Variants in ACER3 observed in about 807,000 individuals in gnomAD.
ACER3 encodes alkaline ceramidase 3.
A neutral mutation model predicts 48.9 loss-of-function variants in ACER3; 16 were observed. That is an observed-to-expected ratio of 0.33 (90% CI 0.22 to 0.50). The LOEUF is 0.50. ACER3 is among the 20% of genes least tolerant of loss of function. The pLI is 0.98. For synonymous variants in ACER3, 109 were observed against 107.8 expected, an observed-to-expected ratio of 1.01 and a Z score of -0.07; for missense variants, 227 against 326.0, an observed-to-expected ratio of 0.70 and a Z score of 2.34.
At chr11:76,940,998 T>C (rs979467450) in intron 2 of ACER3, among the ~76,000 whole-genome samples, 2 of 135,612 alleles carry the variant, frequency 1.5e-5, no homozygotes, top group African/African-American at 5.4e-5. Context: ...CCCCACCAAA[T>C]ATGTGTGTGT....
At chr11:76,861,972 G>A (rs2279518) in intron 1 of ACER3, among the ~76,000 whole-genome samples, 61,401 of 152,100 alleles carry the variant, frequency 0.4, 15,151 homozygotes, top group Non-Finnish European at 0.56. Context: ...TTTCCTAGAC[G>A]ATTTTTCCTG....
At chr11:76,918,321 T>C (rs1005637093) in intron 1 of ACER3, among the ~76,000 whole-genome samples, 1 of 152,116 alleles carries the variant, frequency 6.6e-6, no homozygotes, top group African/African-American at 2.4e-5. Context: ...CCTTGTACTG[T>C]AATATGCATT....
At position 77,023,083 on chromosome 11, in the gene ACER3, C is replaced by T; in HGVS notation, c.*2756C>T. The T allele has an allele frequency of 2.5e-6, 1 of 398,536 alleles. No homozygotes were observed. The highest frequency in any genetic ancestry group is 4.4e-6 in the Non-Finnish European group (1 of 226,024). 24.7% of individuals were successfully genotyped at this position (398,536 alleles called of 1,614,324 possible). A position where few individuals can be genotyped will look rare whatever the true frequency, so the allele number is the denominator to read the frequency against. On this transcript the variant is annotated 3_prime_UTR_variant, in exon 11 of 11. Coordinates refer to ENST00000532485, the MANE Select transcript of ACER3 (RefSeq NM_018367.7). ...CTGCCTGCCCACTACCTACTCCCCA[C>T]CATGGTGTTTCATGAAACATCCCCA... is the stretch of plus-strand genomic sequence containing the variant.
intron 2 of ACER3, among the ~76,000 whole-genome samples, chr11:76,951,675 A>G (rs1947673455): frequency 6.6e-6 from 1 of 152,172 alleles, no homozygotes; most frequent in Admixed American, 6.5e-5. Flanking sequence ...AGGAGAAGGG[A>G]AAAAAATCAG....
intron 3 of ACER3, among the ~76,000 whole-genome samples, chr11:76,974,200 C>T (rs1948378958): frequency 6.6e-6 from 1 of 152,110 alleles, no homozygotes; most frequent in Non-Finnish European, 1.5e-5. Flanking sequence ...TACTGTGGGT[C>T]CATTTTCATA....
At chr11:76,935,558 A>G (rs1336995518) in intron 2 of ACER3, among the ~76,000 whole-genome samples, 1 of 152,246 alleles carries the variant, frequency 6.6e-6, no homozygotes, top group African/African-American at 2.4e-5. Context: ...GTAATATACA[A>G]AGAAAATACC....
In ACER3 at chr11:77,026,455, T is replaced by C. The variant is rs781985409; in HGVS notation, c.*6128T>C. On this transcript the variant is annotated 3_prime_UTR_variant, in exon 11 of 11. Transcript: ENST00000532485. ...CATTGTTCACTATCATGCCTTTCCATACTTGTAATATTTCTGAGTCACTTA... is the reference window on the plus strand; with the variant it reads ...CATTGTTCACTATCATGCCTTTCCACACTTGTAATATTTCTGAGTCACTTA... 1 of 152,186 alleles carries C rather than the reference T, an allele frequency of 6.6e-6. No homozygotes were observed. The highest frequency in any genetic ancestry group is 1.5e-5 in the Non-Finnish European group (1 of 68,042). 9.4% of individuals were successfully genotyped at this position (152,186 alleles called of 1,614,324 possible).
chr11:76,958,482 C>T (rs375790524), intron 2 of ACER3, among the ~76,000 whole-genome samples: 1 of 152,130 alleles, frequency 6.6e-6, no homozygotes, highest in African/African-American at 2.4e-5. Context: ...CCACTGTGTC[C>T]GGCCAGCAAC....
chr11:76,946,684 C>G (rs75668454), intron 2 of ACER3, among the ~76,000 whole-genome samples: 2,579 of 152,318 alleles, frequency 0.017, 80 homozygotes, highest in African/African-American at 0.06. Context: ...ATGGGAGCAC[C>G]CAGTCTCCCC....
chr11:76,936,160 T>C (rs1947177299), intron 2 of ACER3, among the ~76,000 whole-genome samples: 1 of 152,184 alleles, frequency 6.6e-6, no homozygotes, highest in Non-Finnish European at 1.5e-5. Context: ...AGTCACTTCT[T>C]ACATGGATGG....
intron 3 of ACER3, among the ~76,000 whole-genome samples, chr11:76,963,011 A>T (rs1948037115): frequency 6.6e-6 from 1 of 151,486 alleles, no homozygotes; most frequent in Non-Finnish European, 1.5e-5. Context: ...AGCTTGGAGA[A>T]AAACTCAGAC....
chr11:76,886,876 G>A (rs890120589), intron 1 of ACER3, among the ~76,000 whole-genome samples: 1 of 151,972 alleles, frequency 6.6e-6, no homozygotes, highest in African/African-American at 2.4e-5. Flanking sequence ...CGGGGTTTTG[G>A]CATGTTGCCC....
chr11:76,933,276 AT>A (rs998574163), intron 2 of ACER3, among the ~76,000 whole-genome samples: 5 of 125,102 alleles, frequency 4.0e-5, no homozygotes, highest in African/African-American at 5.9e-5. Context: ...TATAATTTTT[AT>A]TTTTTTTATT....
intron 7 of ACER3, chr11:77,011,237 C>T (rs1374673334): frequency 4.5e-6 from 3 of 661,326 alleles, no homozygotes; most frequent in African/African-American, 3.9e-5. Context: ...TAGTAAGTCC[C>T]CTTAGCCTTG....
At chr11:76,943,017 T>A (rs1947376898) in intron 2 of ACER3, among the ~76,000 whole-genome samples, 1 of 152,090 alleles carries the variant, frequency 6.6e-6, no homozygotes, top group Admixed American at 6.5e-5. Context: ...GTATCAATTG[T>A]AATGTCTCCC....
rs934396622 is a variant in ACER3, at chr11:76,897,943, T to A, written c.104-28614T>A. On this transcript the variant is annotated intron_variant, in intron 1 of 10. Coordinates refer to ENST00000532485, the MANE Select transcript of ACER3 (RefSeq NM_018367.7). The stretch of plus-strand genomic sequence containing the variant: ...AGTTCTTTATGTAAATTCCATTTAA[T>A]GATAGAGAATATTAAAAAGATGTGC... 3.4e-4 allele frequency among the ~76,000 whole-genome samples: 52 copies of A among 152,218 alleles called. 2 individuals are homozygous for A. The highest frequency in any genetic ancestry group is 3.2e-3 in the Admixed American group (49 of 15,276).
chr11:76,905,348 T>C (rs1946200404), intron 1 of ACER3, among the ~76,000 whole-genome samples: 1 of 152,182 alleles, frequency 6.6e-6, no homozygotes, highest in South Asian at 2.1e-4. Context: ...TATTTAGCAT[T>C]TGTCGTTCTT....
At position 76,959,263 on chromosome 11, in the gene ACER3, A is replaced by C. The variant is rs1947923112; in HGVS notation, c.267+232A>C. On this transcript the variant is annotated intron_variant, in intron 3 of 10. Coordinates refer to ENST00000532485, the MANE Select transcript of ACER3 (RefSeq NM_018367.7). ...GCTTTTTGACCATCTCTGTGCGGGC[A>C]TATAAAATTGAGAGCAGCATTAGAG... 4.4e-6 allele frequency: 6 copies of C among 1,353,790 alleles called. No individual in the cohort carries two copies. In the South Asian group the frequency reaches 7.5e-5, roughly 17 times the overall value. 83.9% of individuals were successfully genotyped at this position (1,353,790 alleles called of 1,614,324 possible). A position where few individuals can be genotyped will look rare whatever the true frequency, so the allele number is the denominator to read the frequency against.
At chr11:76,972,771 ACCT>A (rs1457988298) in intron 3 of ACER3, among the ~76,000 whole-genome samples, 3 of 148,084 alleles carry the variant, frequency 2.0e-5, no homozygotes, top group South Asian at 4.3e-4. Context: ...GGGGCACGAC[ACCT>A]CCTCCATGTA....
Sources: gnomAD v4.1 joint callset for allele counts (sites outside exome capture counted in the v4.1 genomes callset) on GRCh38, gnomAD v4.1.1 for gene constraint, MANE v1.5 for transcripts, NCBI Gene and HGNC (gene_info 2026-07-23, HGNC 2026-07-21) for gene names.